Variants in ST6GALNAC3 observed in about 807,000 individuals in gnomAD.
ST6GALNAC3 encodes the protein ST6 N-acetylgalactosaminide alpha-2,6-sialyltransferase 3.
In ST6GALNAC3, 25 loss-of-function variants were observed where a neutral mutation model predicts 32.7. That is an observed-to-expected ratio of 0.76 (90% CI 0.56 to 1.07). The LOEUF (loss-of-function observed/expected upper bound fraction) is 1.07, where lower values mean the gene tolerates loss of function less well. Ranked by LOEUF, ST6GALNAC3 falls within the 50% of genes least tolerant of loss-of-function variation. ST6GALNAC3 has a pLI of 0.00. For missense variants in ST6GALNAC3, 355 were observed against 382.4 expected (o/e 0.93, Z 0.60); for synonymous variants, 129 against 133.1 (o/e 0.97, Z 0.21).
chr1:76,567,589 A>G (rs1665628736), intron 3 of ST6GALNAC3, among the ~76,000 whole-genome samples: 1 of 152,228 alleles, frequency 6.6e-6, no homozygotes, highest in African/African-American at 2.4e-5. Context: ...AATAATATCC[A>G]AATGTGAAAG....
At chr1:76,078,026 G>A (rs1157165039) in intron 1 of ST6GALNAC3, among the ~76,000 whole-genome samples, 1 of 152,172 alleles carries the variant, frequency 6.6e-6, no homozygotes, top group Non-Finnish European at 1.5e-5. Flanking sequence ...AAGCATGGAA[G>A]GAGAGAGCAA....
At chr1:76,323,234 C>T (rs1570819689) in intron 2 of ST6GALNAC3, among the ~76,000 whole-genome samples, 1 of 151,976 alleles carries the variant, frequency 6.6e-6, no homozygotes, top group African/African-American at 2.4e-5. Flanking sequence ...AAGCAAAGTT[C>T]TAGCAAAAAT....
intron 3 of ST6GALNAC3, among the ~76,000 whole-genome samples, chr1:76,457,179 A>G (rs1449140155): frequency 6.6e-6 from 1 of 152,044 alleles, no homozygotes; most frequent in Non-Finnish European, 1.5e-5. Context: ...GAGAACTACA[A>G]ACCACTGCTC....
intron 1 of ST6GALNAC3, among the ~76,000 whole-genome samples, chr1:76,306,601 C>T (rs1661067512): frequency 6.7e-6 from 1 of 150,334 alleles, no homozygotes; most frequent in Middle Eastern, 3.2e-3. Context: ...TTCTTCTGTG[C>T]AAAAAGCCAG....
At chr1:76,586,107 A>T (rs1646958572) in intron 3 of ST6GALNAC3, among the ~76,000 whole-genome samples, 1 of 152,050 alleles carries the variant, frequency 6.6e-6, no homozygotes, top group South Asian at 2.1e-4. Flanking sequence ...CCTAATCTCA[A>T]CCCTTCTTTT....
At chr1:76,143,748 C>G (rs529917731) in intron 1 of ST6GALNAC3, among the ~76,000 whole-genome samples, 17 of 152,196 alleles carry the variant, frequency 1.1e-4, no homozygotes, top group Admixed American at 8.5e-4. Flanking sequence ...GATGGGGTCA[C>G]TGTCCCCCAG....
intron 1 of ST6GALNAC3, among the ~76,000 whole-genome samples, chr1:76,167,930 A>G (rs1236308172): frequency 2.6e-5 from 4 of 151,642 alleles, no homozygotes; most frequent in East Asian, 1.9e-4. Flanking sequence ...ATTTTTATCA[A>G]AAAACAGCTC....
At chr1:76,460,287 A>G (rs567995412) in intron 3 of ST6GALNAC3, among the ~76,000 whole-genome samples, 16 of 152,260 alleles carry the variant, frequency 1.1e-4, no homozygotes, top group African/African-American at 3.6e-4. Flanking sequence ...CTTTAGAGAT[A>G]TGTCAAGTCT....
chr1:76,536,055 G>T (rs548149953), intron 3 of ST6GALNAC3, among the ~76,000 whole-genome samples: 1 of 152,194 alleles, frequency 6.6e-6, no homozygotes, highest in South Asian at 2.1e-4. Flanking sequence ...CTATCTAAAT[G>T]TTAAGATAAA....
At chr1:76,319,182 A>G (rs1433865465) in intron 2 of ST6GALNAC3, among the ~76,000 whole-genome samples, 2 of 152,144 alleles carry the variant, frequency 1.3e-5, no homozygotes, top group African/African-American at 4.8e-5. Flanking sequence ...TGCTGGGGCT[A>G]CAGAGGATTT....
chr1:76,495,493 TA>T (rs1320468996), intron 3 of ST6GALNAC3, among the ~76,000 whole-genome samples: 4 of 151,964 alleles, frequency 2.6e-5, no homozygotes, highest in Non-Finnish European at 5.9e-5. Context: ...TAGTTTAATT[TA>T]AAAAAAATTA....
intron 2 of ST6GALNAC3, among the ~76,000 whole-genome samples, chr1:76,316,074 A>T (rs928599817): frequency 2.6e-5 from 4 of 152,106 alleles, no homozygotes; most frequent in Non-Finnish European, 4.4e-5. Flanking sequence ...TCACAAAGAG[A>T]TACTAATATA....
chr1:76,456,000 AC>A (rs1421904264), intron 3 of ST6GALNAC3, among the ~76,000 whole-genome samples: 1 of 152,148 alleles, frequency 6.6e-6, no homozygotes, highest in Admixed American at 6.6e-5. Flanking sequence ...AGCCTGGCCA[AC>A]ATGGCAAAGC....
intron 2 of ST6GALNAC3, among the ~76,000 whole-genome samples, chr1:76,330,874 C>G (rs955554916): frequency 6.6e-6 from 1 of 152,118 alleles, no homozygotes; most frequent in South Asian, 2.1e-4. Flanking sequence ...GACATAATTG[C>G]TACAGGAATA....
intron 3 of ST6GALNAC3, among the ~76,000 whole-genome samples, chr1:76,482,881 C>T (rs527686717): frequency 5.4e-4 from 71 of 131,644 alleles, no homozygotes; most frequent in Non-Finnish European, 9.4e-4. Context: ...CCCCCTCCCC[C>T]CACCCCACCA....
chr1:76,416,654 G>T (rs1654654402), intron 3 of ST6GALNAC3, among the ~76,000 whole-genome samples: 1 of 123,672 alleles, frequency 8.1e-6, no homozygotes, highest in Non-Finnish European at 1.6e-5. Flanking sequence ...TTGAGACAGA[G>T]TCTCACTCTG....
chr1:76,607,377 A>G (rs1027530602), intron 3 of ST6GALNAC3, among the ~76,000 whole-genome samples: 10 of 152,088 alleles, frequency 6.6e-5, no homozygotes, highest in Non-Finnish European at 1.2e-4. Context: ...CTCAATCTTG[A>G]GCTTCTCTCC....
At chr1:76,305,484 G>T (rs61771468) in intron 1 of ST6GALNAC3, among the ~76,000 whole-genome samples, 10,838 of 152,072 alleles carry the variant, frequency 0.071, 547 homozygotes, top group Middle Eastern at 0.14. Flanking sequence ...GAGTCCAGAG[G>T]GATCTAAATG....
chr1:76,577,296 AG>A (rs1570344724), intron 3 of ST6GALNAC3: 1 of 988,228 alleles, frequency 1.0e-6, no homozygotes, highest in East Asian at 1.1e-4. Context: ...TTTGTAGAAA[AG>A]GCCATGCTAG....
Sources: allele counts gnomAD v4.1 joint callset (sites outside exome capture counted in the v4.1 genomes callset), GRCh38; gene constraint gnomAD v4.1.1; transcripts MANE v1.5; gene names NCBI Gene and HGNC (gene_info 2026-07-23, HGNC 2026-07-21).